The following ATP5F1A variants were observed in gnomAD, a reference collection of about 807,000 sequenced individuals.
ATP5F1A encodes ATP synthase F1 subunit alpha.
A neutral mutation model predicts 57.4 loss-of-function variants in ATP5F1A; 24 were observed. The ratio of observed to expected loss-of-function variants is 0.42; its 90% CI spans 0.30 to 0.59. The LOEUF (loss-of-function observed/expected upper bound fraction) is 0.59, where lower values mean the gene tolerates loss of function less well. Among genes scored for constraint, ATP5F1A ranks in the 20% least tolerant of loss-of-function variants. The pLI, the probability that ATP5F1A is intolerant of heterozygous loss-of-function variation, is 0.19. For missense variants in ATP5F1A, 494 were observed against 707.9 expected (o/e 0.70, Z 3.43); for synonymous variants, 251 against 255.5 (o/e 0.98, Z 0.17).
chr18:46,096,571 T>C (rs1036768176), intron 1 of ATP5F1A, among the ~76,000 whole-genome samples: 18 of 151,338 alleles, frequency 1.2e-4, no homozygotes, highest in African/African-American at 4.4e-4. Flanking sequence ...CCAATTTTTA[T>C]TATTTTGACT....
intron 3 of ATP5F1A, among the ~76,000 whole-genome samples, chr18:46,090,718 C>T (rs779331097): frequency 1.3e-5 from 2 of 152,132 alleles, no homozygotes; most frequent in Non-Finnish European, 2.9e-5. Context: ...ATCCACTAAC[C>T]ACATGTGGCT....
chr18:46,091,569 T>G, intron 3 of ATP5F1A, 113 bp downstream of exon 3: 2 of 1,175,704 alleles, frequency 1.7e-6, no homozygotes, highest in Non-Finnish European at 2.3e-6. Flanking sequence ...GAAAAAAATC[T>G]GAGGCAAATT....
chr18:46,096,500 C>CAAAAAAAAAAA (rs770383471), intron 1 of ATP5F1A, among the ~76,000 whole-genome samples: 9 of 70,618 alleles, frequency 1.3e-4, no homozygotes, highest in Middle Eastern at 0.011. Context: ...AACTCCGTCT[C>CAAAAAAAAAAA]AAAAAAAAAA....
chr18:46,099,863 C>T (rs894690588), upstream of ATP5F1A, among the ~76,000 whole-genome samples: 1 of 152,222 alleles, frequency 6.6e-6, no homozygotes, highest in Non-Finnish European at 1.5e-5. Flanking sequence ...CTTGTAAACA[C>T]GTGATTAGCC....
chr18:46,089,375 G>A (rs912302423), intron 5 of ATP5F1A, 191 bp downstream of exon 5: 21 of 647,038 alleles, frequency 3.2e-5, no homozygotes, highest in East Asian at 8.8e-5. Context: ...GAGCTAGCTC[G>A]TCCCACCTGA....
chr18:46,091,099 T>A (rs988134997), intron 3 of ATP5F1A, among the ~76,000 whole-genome samples: 1 of 152,216 alleles, frequency 6.6e-6, no homozygotes, highest in Non-Finnish European at 1.5e-5. Context: ...ATCAAGACTA[T>A]CTTTTCCCAT....
At chr18:46,086,550 T>C (rs1312286289) in intron 8 of ATP5F1A, 56 bp from the exon 9 acceptor site, 1 of 1,508,068 alleles carries the variant, frequency 6.6e-7, no homozygotes, top group African/African-American at 1.4e-5. Flanking sequence ...ATCAACTATC[T>C]TCAAATTTAA....
intron 3 of ATP5F1A, 122 bp downstream of exon 3, chr18:46,091,559 GA>G: frequency 1.8e-6 from 2 of 1,103,200 alleles, no homozygotes; most frequent in South Asian, 3.7e-5. Flanking sequence ...ATAATAACAA[GA>G]AAAAAATCTG....
chr18:46,089,968 T>C lies in ATP5F1A; in HGVS notation c.338A>G (p.Asn113Ser). The C allele has an allele frequency of 6.2e-7, 1 of 1,606,482 alleles. No homozygotes were observed. The highest frequency in any genetic ancestry group is 8.5e-7 in the Non-Finnish European group (1 of 1,177,320). Residue 113 changes from asparagine (N) to serine (S), a missense_variant, in exon 4 of 12, where the codon AAT becomes AGT. Transcript: ENST00000398752. ...ATTTCCAAACACGACAACACCAACA[T>C]TGTCAGGTTCCAAGTTCAAGGACAT... The part of the protein sequence containing the change: ...KGMSLNLEPD[N>S]VGVVVFGNDK...
At position 46,087,005 on chromosome 18, in the gene ATP5F1A, T is replaced by C; in HGVS notation, c.1176+3A>G. ...ACATTTCTTTTAATCATTAAAATAATACCTGTCCGTCAGTGATGGAAATGA... is the reference window on the plus strand; with the variant it reads ...ACATTTCTTTTAATCATTAAAATAACACCTGTCCGTCAGTGATGGAAATGA... On this transcript the variant is annotated splice_donor_region_variant and intron_variant, in intron 8 of 11. Coordinates refer to ENST00000398752, the MANE Select transcript of ATP5F1A (RefSeq NM_004046.6). The C allele has an allele frequency of 6.2e-7, 1 of 1,613,528 alleles. No individual in the cohort carries two copies.
At position 46,082,738 on chromosome 18, in the gene ATP5F1A, G is replaced by A. The variant is rs1173559983; in HGVS notation, c.*1544C>T. 6.6e-6 allele frequency: 1 copy of A among 151,916 alleles called. No individual in the cohort carries two copies. The highest frequency in any genetic ancestry group is 1.9e-4 in the East Asian group (1 of 5,174). 9.4% of individuals were successfully genotyped at this position (151,916 alleles called of 1,614,324 possible). A position where few individuals can be genotyped will look rare whatever the true frequency, so the allele number is the denominator to read the frequency against. On this transcript the variant is annotated 3_prime_UTR_variant, in exon 12 of 12. Coordinates refer to ENST00000398752, the MANE Select transcript of ATP5F1A (RefSeq NM_004046.6). The stretch of plus-strand genomic sequence containing the variant: ...CACATTAAGAATGAGCAAAGGCTAT[G>A]AAAAATTAAAAGTAAATAAATAAAT...
chr18:46,090,011 C>G lies in ATP5F1A; in HGVS notation c.310-15G>C, dbSNP rs1167058014. The G allele has an allele frequency of 1.4e-6, 2 of 1,395,362 alleles. No homozygotes were observed. Among genetic ancestry groups the G allele is most frequent in the African/African-American group, 1.5e-5 (1 of 66,088 alleles). The allele number at this position is 1,395,362 out of a possible 1,614,324, so 86.4% of individuals were successfully genotyped here. On this transcript the variant is annotated splice_polypyrimidine_tract_variant and intron_variant, in intron 3 of 11. Transcript: ENST00000398752. ...AAGGACATACCCTGCACAAAAGACACAATTGAACATCAATGAAGCTGAATG... is the reference window on the plus strand; with the variant it reads ...AAGGACATACCCTGCACAAAAGACAGAATTGAACATCAATGAAGCTGAATG...
chr18:46,082,747 A>G lies in ATP5F1A; in HGVS notation c.*1535T>C, dbSNP rs929374990. On this transcript the variant is annotated 3_prime_UTR_variant, in exon 12 of 12. Transcript: ENST00000398752. Reference sequence around the variant, plus strand: ...AATGAGCAAAGGCTATGAAAAATTAAAAGTAAATAAATAAATCAGTAGGCT... The same window carrying G: ...AATGAGCAAAGGCTATGAAAAATTAGAAGTAAATAAATAAATCAGTAGGCT... 5 of 151,604 alleles carry G rather than the reference A, an allele frequency of 3.3e-5. No individual in the cohort carries two copies. The highest frequency in any genetic ancestry group is 1.2e-4 in the African/African-American group (5 of 41,246). The allele number at this position is 151,604 out of a possible 1,614,324, so 9.4% of individuals were successfully genotyped here. A position where few individuals can be genotyped will look rare whatever the true frequency, so the allele number is the denominator to read the frequency against.
At chr18:46,086,027 C>A in intron 10 of ATP5F1A, 86 bp downstream of exon 10, 2 of 1,417,728 alleles carry the variant, frequency 1.4e-6, no homozygotes, top group South Asian at 2.7e-5. Flanking sequence ...GTAGTACAGG[C>A]CGTGATATGT....
intron 1 of ATP5F1A, among the ~76,000 whole-genome samples, chr18:46,097,448 A>C (rs1293529648): frequency 6.6e-6 from 1 of 152,148 alleles, no homozygotes; most frequent in Non-Finnish European, 1.5e-5. Context: ...CCATCACTAA[A>C]AATTACTCAA....
intron 3 of ATP5F1A, among the ~76,000 whole-genome samples, chr18:46,090,899 G>A (rs1037413603): frequency 6.6e-6 from 1 of 152,150 alleles, no homozygotes; most frequent in Non-Finnish European, 1.5e-5. Flanking sequence ...TACTGTTCTA[G>A]ACACTTGGAT....
chr18:46,088,142 C>G lies in ATP5F1A; in HGVS notation c.766G>C (p.Val256Leu), dbSNP rs1186309255. The G allele has an allele frequency of 6.2e-7, 1 of 1,601,318 alleles. No individual in the cohort carries two copies. The change falls in exon 6 of 12, where the codon GTT becomes CTT. Residue 256 changes from valine (V) to leucine (L), a missense_variant. Transcript: ENST00000398752. ...GTAAGTCTCTTCACCAACTGGGCAA[C>G]AGTGGATCTCTTTTGACCAATAGCA... ...YVAIGQKRST[V>L]AQLVKRLTDA...
At position 46,091,661 on chromosome 18, in the gene ATP5F1A, AAATCTT is replaced by A. The variant is rs778246455; in HGVS notation, c.309+15_309+20del. 1 of 1,558,574 alleles carries A rather than the reference AAATCTT, an allele frequency of 6.4e-7. No homozygotes were observed. The highest frequency in any genetic ancestry group is 8.7e-7 in the Non-Finnish European group (1 of 1,155,566). Reference sequence around the variant, plus strand: ...AGAAGACTTAGATCCTAAAACACCAAAATCTTATTTTATAATTTACCTTTAAGCCTG... The same window carrying A: ...AGAAGACTTAGATCCTAAAACACCAAATTTTATAATTTACCTTTAAGCCTG... On this transcript the variant is annotated intron_variant, in intron 3 of 11. Transcript: ENST00000398752.
chr18:46,095,114 C>T lies in ATP5F1A; in HGVS notation c.78G>A (p.Leu26=). 6.2e-7 allele frequency: 1 copy of T among 1,613,196 alleles called. No individual in the cohort carries two copies. Among genetic ancestry groups the T allele is most frequent in the Non-Finnish European group, 8.5e-7 (1 of 1,179,756 alleles). Residue 26 remains leucine (L), a synonymous_variant, in exon 2 of 12, where the codon TTG becomes TTA. Transcript: ENST00000398752. ...TCCTTGCAGCAATGAAAGATGAACC[C>T]AAAGCATTTCTGGAGACCTAGTGCA... ...RRAGLVSRNA[L]GSSFIAARNF... is the part of the protein sequence containing the mutation.
Sources: gnomAD v4.1 joint callset for allele counts (sites outside exome capture counted in the v4.1 genomes callset) on GRCh38, gnomAD v4.1.1 for gene constraint, MANE v1.5 for transcripts, NCBI Gene and HGNC (gene_info 2026-07-23, HGNC 2026-07-21) for gene names.